Variants in TMC3 observed in about 807,000 individuals in gnomAD.
The protein encoded by TMC3 is transmembrane channel like 3, also known as transmembrane channel-like protein 3.
Under a neutral mutation model 110.6 loss-of-function variants are expected in TMC3, and 98 were observed. That is an observed-to-expected ratio of 0.89 (90% CI 0.75 to 1.05). The LOEUF (loss-of-function observed/expected upper bound fraction) is 1.05, where lower values mean the gene tolerates loss of function less well. TMC3 is among the 50% of genes least tolerant of loss of function. TMC3 has a pLI of 0.00. For synonymous variants in TMC3, 489 were observed against 513.1 expected, an observed-to-expected ratio of 0.95 and a Z score of 0.63; for missense variants, 1,319 against 1,373.2, an observed-to-expected ratio of 0.96 and a Z score of 0.62.
chr15:81,346,158 C>G (rs1893823871), intron 12 of TMC3, among the ~76,000 whole-genome samples: 1 of 152,202 alleles, frequency 6.6e-6, no homozygotes, highest in African/African-American at 2.4e-5. Context: ...ACTAGTCATG[C>G]ACTGTGGCCT....
intron 17 of TMC3, 68 bp downstream of exon 17, chr15:81,339,326 C>T (rs1022400969): frequency 2.6e-5 from 31 of 1,173,002 alleles, no homozygotes; most frequent in Non-Finnish European, 3.5e-5. Flanking sequence ...GAGGAGAATT[C>T]AGTTCAATAT....
At chr15:81,341,624 A>G (rs1424396164) in intron 15 of TMC3, 106 bp from the exon 16 acceptor site, 1 of 1,293,520 alleles carries the variant, frequency 7.7e-7, no homozygotes, top group Admixed American at 2.5e-5. Context: ...TGGGGATTAT[A>G]CCCTAAGCTT....
Position 81,349,587 on chromosome 15 carries a change from C to G in TMC3, c.1084-20G>C. ...ACTGACCTGCTGAGAGAGCACATGC[C>G]AGAGCCAGACATTCCCAGGACCCCC... On this transcript the variant is annotated intron_variant, in intron 10 of 21. Coordinates refer to ENST00000359440, the MANE Select transcript of TMC3 (RefSeq NM_001080532.3). 1.4e-6 allele frequency: 2 copies of G among 1,400,744 alleles called. No individual in the cohort carries two copies. Among genetic ancestry groups the G allele is most frequent in the South Asian group, 1.7e-5 (1 of 58,156 alleles). The allele number at this position is 1,400,744 out of a possible 1,614,324, so 86.8% of individuals were successfully genotyped here. A position where few individuals can be genotyped will look rare whatever the true frequency, so the allele number is the denominator to read the frequency against.
In TMC3 at chr15:81,359,429, C is replaced by G. The variant is rs1244692010; in HGVS notation, c.437G>C (p.Arg146Thr). The change falls in exon 5 of 22, where the codon AGA becomes ACA. Residue 146 changes from arginine (R) to threonine (T), a missense_variant. Transcript: ENST00000359440. ...CACAATATTAATTCCAAATAACCAT[C>G]TCAAGAATATGAAATAGGAGGCAAC... is the stretch of plus-strand genomic sequence containing the variant. ...SGVASYFIFL[R>T]WLFGINIVLT... The G allele has an allele frequency of 6.2e-7, 1 of 1,605,122 alleles. No homozygotes were observed. Among genetic ancestry groups the G allele is most frequent in the Non-Finnish European group, 8.5e-7 (1 of 1,176,766 alleles).
chr15:81,372,349 GACACACACACAC>G (rs371289786), intron 2 of TMC3, among the ~76,000 whole-genome samples: 7,583 of 116,834 alleles, frequency 0.065, 287 homozygotes, highest in Non-Finnish European at 0.082. Flanking sequence ...CTGTCTCTCT[GACACACACACAC>G]ACACACACAC....
intron 19 of TMC3, among the ~76,000 whole-genome samples, chr15:81,337,110 A>G (rs797009243): frequency 5.3e-5 from 8 of 150,220 alleles, no homozygotes; most frequent in African/African-American, 1.7e-4. Context: ...GTTTTTTTGC[A>G]TGGGTGAGGT....
At chr15:81,369,573 TA>T (rs1894390054) in intron 2 of TMC3, among the ~76,000 whole-genome samples, 1 of 152,204 alleles carries the variant, frequency 6.6e-6, no homozygotes, top group Non-Finnish European at 1.5e-5. Flanking sequence ...TGAAAATATT[TA>T]AACATTTTAT....
intron 10 of TMC3, among the ~76,000 whole-genome samples, chr15:81,350,552 C>G (rs1245837173): frequency 2.0e-5 from 3 of 152,126 alleles, no homozygotes; most frequent in Non-Finnish European, 2.9e-5. Flanking sequence ...TGTAAACATA[C>G]AAGCACACAG....
In TMC3 at chr15:81,338,679, A is replaced by C; in HGVS notation, c.2057T>G (p.Ile686Ser). ...VVGHISSPVV[I>S]LPAVLLLFML... Reference sequence around the variant, plus strand: ...CAAAAGCAGGAGTACTGCGGGCAGGATGACCACGGGGCTACTGATGTGTCC... The same window carrying C: ...CAAAAGCAGGAGTACTGCGGGCAGGCTGACCACGGGGCTACTGATGTGTCC... The change falls in exon 18 of 22, where the codon ATC (isoleucine) becomes AGC (serine). Residue 686 changes from isoleucine (I) to serine (S), a missense_variant. Transcript: ENST00000359440. 6.2e-7 allele frequency: 1 copy of C among 1,614,008 alleles called. No homozygotes were observed. Among genetic ancestry groups the C allele is most frequent in the Non-Finnish European group, 8.5e-7 (1 of 1,179,868 alleles).
chr15:81,373,882 A>G, intron 1 of TMC3, 107 bp downstream of exon 1: 1 of 1,042,586 alleles, frequency 9.6e-7, no homozygotes, highest in Non-Finnish European at 1.4e-6. Context: ...TTCATTCTGA[A>G]GGACAACTGA....
chr15:81,368,448 G>A (rs1396566885), intron 2 of TMC3, 120 bp from the exon 3 acceptor site: 1 of 699,472 alleles, frequency 1.4e-6, no homozygotes, highest in South Asian at 1.6e-5. Flanking sequence ...TACAGCAAAA[G>A]ATGCCATGAG....
chr15:81,372,482 T>C, intron 2 of TMC3, 109 bp downstream of exon 2: 1 of 1,380,624 alleles, frequency 7.2e-7, no homozygotes, highest in South Asian at 1.2e-5. Context: ...CAAGAGTGAC[T>C]GAGCCATCTC....
chr15:81,372,485 G>C, intron 2 of TMC3, 106 bp downstream of exon 2: 1 of 1,404,638 alleles, frequency 7.1e-7, no homozygotes, highest in South Asian at 1.2e-5. Flanking sequence ...GAGTGACTGA[G>C]CCATCTCTCT....
At chr15:81,364,705 A>AT (rs1425008620) in intron 3 of TMC3, among the ~76,000 whole-genome samples, 5 of 127,338 alleles carry the variant, frequency 3.9e-5, no homozygotes, top group East Asian at 6.0e-4. Flanking sequence ...TATTCCAAAA[A>AT]AAAAAAAATA....
In TMC3 at chr15:81,332,471, G is replaced by A; in HGVS notation, c.3251C>T (p.Ser1084Leu). 1.2e-6 allele frequency: 2 copies of A among 1,612,546 alleles called. No individual in the cohort carries two copies. Among genetic ancestry groups the A allele is most frequent in the Non-Finnish European group, 1.7e-6 (2 of 1,179,376 alleles). ...CAGATCCACGGTCAGCTCCTGCCCC[G>A]ACTTGGCCTTCCTCCTGCTGGGCTG... ...VGQPSRRKAK[S>L]GQELTVDLDD... Residue 1084 changes from serine to leucine, a missense_variant, in exon 22 of 22, where the codon TCG becomes TTG. Physicochemically the swap from Ser to Leu is moderately radical, Grantham distance 145. Coordinates refer to ENST00000359440, the MANE Select transcript of TMC3 (RefSeq NM_001080532.3).
In TMC3 at chr15:81,359,438, A is replaced by G. The variant is rs1327033846; in HGVS notation, c.428T>C (p.Ile143Thr). 2 of 1,603,520 alleles carry G rather than the reference A, an allele frequency of 1.2e-6. No individual in the cohort carries two copies. Among genetic ancestry groups the G allele is most frequent in the East Asian group, 2.2e-5 (1 of 44,662 alleles). The part of the protein sequence containing the change: ...HFGSGVASYF[I>T]FLRWLFGINI... ...AATTCCAAATAACCATCTCAAGAATATGAAATAGGAGGCAACGCCAGATCC... is the reference window on the plus strand; with the variant it reads ...AATTCCAAATAACCATCTCAAGAATGTGAAATAGGAGGCAACGCCAGATCC... The change falls in exon 5 of 22, where the codon ATA (isoleucine) becomes ACA (threonine). Residue 143 changes from isoleucine (I) to threonine (T), a missense_variant. Transcript: ENST00000359440.
chr15:81,343,232 C>A, intron 15 of TMC3, 46 bp downstream of exon 15: 1 of 1,223,392 alleles, frequency 8.2e-7, no homozygotes, highest in South Asian at 1.2e-5. Context: ...AAAATCTTAG[C>A]CCAGATGAGA....
chr15:81,364,544 AG>A (rs1894262076), intron 3 of TMC3, among the ~76,000 whole-genome samples: 1 of 62,538 alleles, frequency 1.6e-5, no homozygotes, highest in East Asian at 4.8e-4. Flanking sequence ...GGGTCGGGGG[AG>A]GGGGGAGGGA....
chr15:81,356,363 GT>G (rs1218235889), intron 8 of TMC3, 83 bp downstream of exon 8: 1 of 1,451,388 alleles, frequency 6.9e-7, no homozygotes, highest in Non-Finnish European at 9.2e-7. Context: ...GAAGAGGATG[GT>G]TCTGGCTTCC....
Sources: gnomAD v4.1 joint callset for allele counts (sites outside exome capture counted in the v4.1 genomes callset) on GRCh38, gnomAD v4.1.1 for gene constraint, MANE v1.5 for transcripts, NCBI Gene and HGNC (gene_info 2026-07-23, HGNC 2026-07-21) for gene names.